The following COL4A3 variants were observed in gnomAD, a reference collection of about 807,000 sequenced individuals.
COL4A3 encodes the protein collagen type IV alpha 3 chain, also known as collagen alpha-3(IV) chain.
A neutral mutation model predicts 217.4 loss-of-function variants in COL4A3; 135 were observed. The observed-to-expected ratio is 0.62, with a 90% CI of 0.54 to 0.72. COL4A3 has a LOEUF of 0.72. COL4A3 is among the 30% of genes least tolerant of loss of function. The pLI, the probability that COL4A3 is intolerant of heterozygous loss-of-function variation, is 0.00. For missense variants in COL4A3, 1,868 were observed against 2,119.9 expected (o/e 0.88, Z 2.33); for synonymous variants, 690 against 736.3 (o/e 0.94, Z 1.02).
At chr2:227,171,722 G>C (rs570905492) in intron 1 of COL4A3, among the ~76,000 whole-genome samples, 3 of 152,174 alleles carry the variant, frequency 2.0e-5, no homozygotes, top group African/African-American at 7.2e-5. Context: ...TCTGAAGAAA[G>C]AATTCAACTG....
At chr2:227,297,166 T>C (rs899616207) in intron 41 of COL4A3, among the ~76,000 whole-genome samples, 1 of 152,246 alleles carries the variant, frequency 6.6e-6, no homozygotes, top group African/African-American at 2.4e-5. Flanking sequence ...TGCTCCTTTG[T>C]CTGGATTTAG....
At chr2:227,176,429 C>T (rs146406957) in intron 1 of COL4A3, among the ~76,000 whole-genome samples, 141 of 152,136 alleles carry the variant, frequency 9.3e-4, no homozygotes, top group Admixed American at 2.2e-3. Context: ...TTAATTATTG[C>T]GGTGAGATCA....
intron 1 of COL4A3, among the ~76,000 whole-genome samples, chr2:227,189,260 C>A (rs969155479): frequency 2.0e-4 from 31 of 152,120 alleles, no homozygotes; most frequent in African/African-American, 7.5e-4. Flanking sequence ...TCAGAAACAT[C>A]ATGAGATTTG....
At chr2:227,181,215 CTT>C (rs764831461) in intron 1 of COL4A3, among the ~76,000 whole-genome samples, 2 of 152,186 alleles carry the variant, frequency 1.3e-5, no homozygotes, top group Non-Finnish European at 2.9e-5. Context: ...ATAGAGAACT[CTT>C]TGACATGTAT....
In COL4A3 at chr2:227,253,438, C is replaced by A; in HGVS notation, c.687+101C>A. ...TACGGGCCAAGCTGAAATTGATGGG[C>A]CTTCATTTGTTCTATCTTCCCGTAT... On this transcript the variant is annotated intron_variant, in intron 12 of 51. Transcript: ENST00000396578. The surrounding 1 kb of genome is among the most constrained non-coding windows in gnomAD (Gnocchi z 4.4). 1 of 1,439,130 alleles carries A rather than the reference C, an allele frequency of 6.9e-7. No individual in the cohort carries two copies. The highest frequency in any genetic ancestry group is 9.8e-7 in the Non-Finnish European group (1 of 1,020,396). 89.1% of individuals were successfully genotyped at this position (1,439,130 alleles called of 1,614,324 possible).
intron 1 of COL4A3, among the ~76,000 whole-genome samples, chr2:227,169,662 T>C (rs1221259483): frequency 1.3e-5 from 2 of 152,198 alleles, no homozygotes; most frequent in African/African-American, 4.8e-5. Flanking sequence ...CATTTTTTCA[T>C]GTGTTTTTTG....
chr2:227,177,487 A>G (rs141512201), intron 1 of COL4A3, among the ~76,000 whole-genome samples: 65 of 152,246 alleles, frequency 4.3e-4, no homozygotes, highest in Middle Eastern at 3.4e-3. Flanking sequence ...AAATGTCTAT[A>G]GAGAACTTTA....
At chr2:227,184,891 CTTTTTTTTTTTT>C (rs34345055) in intron 1 of COL4A3, among the ~76,000 whole-genome samples, 4 of 62,570 alleles carry the variant, frequency 6.4e-5, no homozygotes, top group African/African-American at 2.6e-4. Context: ...CCTCACTGGC[CTTTTTTTTTTTT>C]TTTTTTTTTT....
intron 27 of COL4A3, among the ~76,000 whole-genome samples, chr2:227,276,778 G>A (rs4305260): frequency 0.13 from 20,109 of 152,288 alleles, 1,320 homozygotes; most frequent in Non-Finnish European, 0.15. Context: ...GGGGGAGCAA[G>A]TGATGTTTGC....
At chr2:227,175,734 A>G (rs2065653609) in intron 1 of COL4A3, among the ~76,000 whole-genome samples, 1 of 152,224 alleles carries the variant, frequency 6.6e-6, no homozygotes, top group African/African-American at 2.4e-5. Flanking sequence ...ACAGGCCTCT[A>G]CATGGCTGTC....
intron 1 of COL4A3, among the ~76,000 whole-genome samples, chr2:227,184,626 C>T (rs1367396839): frequency 1.3e-5 from 2 of 152,070 alleles, no homozygotes; most frequent in East Asian, 1.9e-4. Flanking sequence ...TTGGGGATCA[C>T]GTTTCCTTTT....
intron 25 of COL4A3, among the ~76,000 whole-genome samples, chr2:227,272,050 C>T (rs759248317): frequency 3.3e-5 from 5 of 152,210 alleles, no homozygotes; most frequent in Non-Finnish European, 5.9e-5. Context: ...TTCCTAAATG[C>T]TTCTGACTAC....
At chr2:227,182,071 G>A (rs1436472461) in intron 1 of COL4A3, among the ~76,000 whole-genome samples, 1 of 152,026 alleles carries the variant, frequency 6.6e-6, no homozygotes, top group African/African-American at 2.4e-5. Flanking sequence ...CCCCCAAATA[G>A]CCAATTTTCT....
At chr2:227,231,059 C>G (rs2068375742) in intron 1 of COL4A3, among the ~76,000 whole-genome samples, 1 of 152,150 alleles carries the variant, frequency 6.6e-6, no homozygotes, top group Non-Finnish European at 1.5e-5. Context: ...GGAGCAGTTC[C>G]ACTAACGCAG....
chr2:227,277,276 G>A lies in COL4A3; in HGVS notation c.2021-173G>A, dbSNP rs138839495. Among the ~76,000 whole-genome samples, 649 of 150,110 alleles carry A rather than the reference G, an allele frequency of 4.3e-3. 8 individuals are homozygous for A. Among genetic ancestry groups the A allele is most frequent in the African/African-American group, 0.015 (621 of 40,710 alleles). On this transcript the variant is annotated intron_variant, in intron 27 of 51. Coordinates refer to ENST00000396578, the MANE Select transcript of COL4A3 (RefSeq NM_000091.5). ...GGAGCTTGCAATGAGCTGAGATAGC[G>A]CCACTGCACTCCAGCCTGGGCGACA...
intron 38 of COL4A3, chr2:227,293,960 G>T: frequency 2.9e-6 from 1 of 341,650 alleles, no homozygotes. Flanking sequence ...CAAATACAGA[G>T]TCATGTTCCG....
In COL4A3 at chr2:227,313,020, C is replaced by T. The variant is rs1289616803; in HGVS notation, c.*1150C>T. 6.6e-6 allele frequency: 1 copy of T among 152,250 alleles called. No individual in the cohort carries two copies. The highest frequency in any genetic ancestry group is 6.6e-5 in the Admixed American group (1 of 15,234). The allele number at this position is 152,250 out of a possible 1,614,324, so 9.4% of individuals were successfully genotyped here. A position where few individuals can be genotyped will look rare whatever the true frequency, so the allele number is the denominator to read the frequency against. On this transcript the variant is annotated 3_prime_UTR_variant, in exon 52 of 52. Transcript: ENST00000396578. ...TGTTTAAAAATCTTAATGTATCAAA[C>T]TGTATAACTTGGCCGCTGTATGTCT...
chr2:227,307,934 C>T lies in COL4A3; in HGVS notation c.4462+15C>T. On this transcript the variant is annotated intron_variant, in intron 48 of 51. Coordinates refer to ENST00000396578, the MANE Select transcript of COL4A3 (RefSeq NM_000091.5). ...ACAAGACCTTGGTAATGTCCCAGTC[C>T]CAGTTGCCAGTTGTGCTGTTCCACA... 1 of 1,608,588 alleles carries T rather than the reference C, an allele frequency of 6.2e-7. No homozygotes were observed. The highest frequency in any genetic ancestry group is 2.2e-5 in the East Asian group (1 of 44,854).
At chr2:227,275,143 C>T (rs1219330864) in intron 26 of COL4A3, among the ~76,000 whole-genome samples, 1 of 151,820 alleles carries the variant, frequency 6.6e-6, no homozygotes, top group Non-Finnish European at 1.5e-5. Context: ...TTTATTTAGC[C>T]CTGTTCTAAT....
Sources: allele counts gnomAD v4.1 joint callset (sites outside exome capture counted in the v4.1 genomes callset), GRCh38; gene constraint gnomAD v4.1.1; non-coding constraint Gnocchi (gnomAD v3.1); transcripts MANE v1.5; gene names NCBI Gene and HGNC (gene_info 2026-07-23, HGNC 2026-07-21).